ADGRV1: variants seen among roughly 807,000 people sequenced by gnomAD.
ADGRV1 encodes the protein adhesion G protein-coupled receptor V1.
Under a neutral mutation model 596.2 loss-of-function variants are expected in ADGRV1, and 359 were observed. The ratio of observed to expected loss-of-function variants is 0.60; its 90% CI spans 0.55 to 0.66. The LOEUF is 0.66. ADGRV1 is among the 30% of genes least tolerant of loss of function. The pLI, the probability that ADGRV1 is intolerant of heterozygous loss-of-function variation, is 0.00. For missense variants in ADGRV1, 7,274 were observed against 7,575.6 expected (o/e 0.96, Z 1.48); for synonymous variants, 2,681 against 2,679.2 (o/e 1.00, Z -0.02).
chr5:91,059,849 A>T (rs1178673128), intron 85 of ADGRV1, among the ~76,000 whole-genome samples: 1 of 152,164 alleles, frequency 6.6e-6, no homozygotes, highest in Non-Finnish European at 1.5e-5. Context: ...TTAAGTTTCC[A>T]GTTTTAACTG....
intron 83 of ADGRV1, among the ~76,000 whole-genome samples, chr5:90,959,743 G>GA (rs937284358): frequency 6.6e-6 from 1 of 151,956 alleles, no homozygotes; most frequent in African/African-American, 2.4e-5. Context: ...CATTATTTTG[G>GA]AAAAAAATCA....
chr5:90,583,095 G>A (rs1477031357), intron 1 of ADGRV1, among the ~76,000 whole-genome samples: 2 of 152,038 alleles, frequency 1.3e-5, no homozygotes, highest in African/African-American at 4.8e-5. Flanking sequence ...TCATTGTGTG[G>A]CAGTTTTATA....
Position 90,895,742 on chromosome 5 carries a change from T to C in ADGRV1, c.17856+31885T>C, listed in dbSNP as rs1455769064. 2.6e-5 allele frequency among the ~76,000 whole-genome samples: 4 copies of C among 152,338 alleles called. No individual in the cohort carries two copies. The East Asian group carries it at 7.7e-4, about 29-fold the overall frequency. ...GAAATAGCTTCTAATTTGCTGGTAA[T>C]AGTTTTAACTTGCTGTCCTCCAGTT... On this transcript the variant is annotated intron_variant, in intron 83 of 89. Coordinates refer to ENST00000405460, the MANE Select transcript of ADGRV1 (RefSeq NM_032119.4).
At chr5:90,956,260 T>G (rs1818351) in intron 83 of ADGRV1, among the ~76,000 whole-genome samples, 3 of 151,880 alleles carry the variant, frequency 2.0e-5, no homozygotes, top group South Asian at 4.1e-4. Flanking sequence ...GTATTCAGAC[T>G]ATGTATCAGT....
chr5:90,984,977 C>T (rs1780366413), intron 84 of ADGRV1, among the ~76,000 whole-genome samples: 1 of 152,126 alleles, frequency 6.6e-6, no homozygotes, highest in Non-Finnish European at 1.5e-5. Context: ...ATTTCATTAT[C>T]ACCTGGAAGT....
intron 45 of ADGRV1, among the ~76,000 whole-genome samples, chr5:90,721,833 T>A (rs1488681159): frequency 1.3e-5 from 2 of 151,768 alleles, no homozygotes; most frequent in Non-Finnish European, 2.9e-5. Context: ...AAGGACTGGG[T>A]TGGAAGAACA....
chr5:90,829,108 G>T lies in ADGRV1; in HGVS notation c.16533G>T (p.Lys5511Asn). 1 of 1,612,254 alleles carries T rather than the reference G, an allele frequency of 6.2e-7. No individual in the cohort carries two copies. ...SVGSRLAVAH[K>N]KATLISLQVA... ...GTTCTCGGCTGGCAGTGGCTCACAA[G>T]AAGGCCACTTTAATCAGTCTGCAGG... The change falls in exon 77 of 90, where the codon AAG becomes AAT. Residue 5511 changes from lysine to asparagine, a missense_variant. By Grantham distance (94) the Lys-to-Asn change is moderately conservative (BLOSUM62 0). This residue lies in a region of ADGRV1 where 1,874 missense variants were observed against 1,970.2 expected (regional missense o/e 0.95). Coordinates refer to ENST00000405460, the MANE Select transcript of ADGRV1 (RefSeq NM_032119.4).
intron 21 of ADGRV1, among the ~76,000 whole-genome samples, chr5:90,662,840 C>T (rs1431197864): frequency 4.6e-5 from 7 of 151,964 alleles, no homozygotes; most frequent in Admixed American, 4.6e-4. Flanking sequence ...CAGTTCCCAC[C>T]TATGAGTGAG....
At chr5:91,104,484 G>A (rs1791672528) in intron 87 of ADGRV1, among the ~76,000 whole-genome samples, 1 of 152,068 alleles carries the variant, frequency 6.6e-6, no homozygotes, top group African/African-American at 2.4e-5. Context: ...ATAAAATATT[G>A]TTAACTATAG....
chr5:90,825,392 A>G (rs1223128272), intron 76 of ADGRV1, among the ~76,000 whole-genome samples: 5 of 152,220 alleles, frequency 3.3e-5, no homozygotes, highest in Non-Finnish European at 7.3e-5. Context: ...GCAGTGTTAC[A>G]ACTTATGCAT....
intron 21 of ADGRV1, among the ~76,000 whole-genome samples, chr5:90,663,323 A>G (rs905519781): frequency 1.3e-5 from 2 of 150,326 alleles, no homozygotes. Context: ...GTGAGATGGT[A>G]TCTTATTGTG....
chr5:90,672,811 T>G, intron 22 of ADGRV1, 89 bp downstream of exon 22: 1 of 935,054 alleles, frequency 1.1e-6, no homozygotes, highest in Non-Finnish European at 1.6e-6. Flanking sequence ...AGCTTTTGAT[T>G]GAAGTGTCGC....
chr5:91,093,113 T>C (rs1393430153), intron 86 of ADGRV1, among the ~76,000 whole-genome samples: 1 of 152,230 alleles, frequency 6.6e-6, no homozygotes, highest in Non-Finnish European at 1.5e-5. Context: ...CATGAATTAT[T>C]AAAATTTCTA....
chr5:90,759,088 A>G (rs1484384070), intron 57 of ADGRV1, among the ~76,000 whole-genome samples: 4 of 152,330 alleles, frequency 2.6e-5, no homozygotes, highest in African/African-American at 9.6e-5. Flanking sequence ...TAATCTGTAA[A>G]TAATACTCTT....
chr5:90,613,377 C>G (rs1504986), intron 1 of ADGRV1, among the ~76,000 whole-genome samples: 3,234 of 152,222 alleles, frequency 0.021, 102 homozygotes, highest in African/African-American at 0.067. Flanking sequence ...AAGACCTTCA[C>G]CTGGCTTTGG....
rs1452988546 is a variant in ADGRV1 at position 90,805,426 on chromosome 5, T to A, written c.14804T>A (p.Phe4935Tyr). 6.3e-7 allele frequency: 1 copy of A among 1,594,330 alleles called. No homozygotes were observed. The highest frequency in any genetic ancestry group is 1.7e-5 in the Admixed American group (1 of 59,656). The part of the protein sequence containing the change: ...GYAPGLEIPE[F>Y]IVVGNMTPTL... The stretch of plus-strand genomic sequence containing the variant: ...GCTCCTGGGTTAGAAATTCCTGAAT[T>A]CATTGTTGTTGGCAACATGACCCCA... The change falls in exon 72 of 90, where the codon TTC becomes TAC. Residue 4935 changes from phenylalanine (F) to tyrosine (Y), a missense_variant. By Grantham distance (22) the Phe-to-Tyr change is conservative (BLOSUM62 3). This residue lies in a region of ADGRV1 where 1,874 missense variants were observed against 1,970.2 expected (regional missense o/e 0.95). Coordinates refer to ENST00000405460, the MANE Select transcript of ADGRV1 (RefSeq NM_032119.4).
At chr5:90,590,063 A>G (rs1382406078) in intron 1 of ADGRV1, among the ~76,000 whole-genome samples, 1 of 152,188 alleles carries the variant, frequency 6.6e-6, no homozygotes, top group Non-Finnish European at 1.5e-5. Context: ...ATATTTTATG[A>G]TATGACTTCC....
At position 90,757,152 on chromosome 5, in the gene ADGRV1, A is replaced by G. The variant is rs775199804; in HGVS notation, c.11931A>G (p.Ala3977=). The part of the protein sequence containing the change: ...FKPSHGILEF[A]DKQVTAMIEI... ...CATCTCATGGGATTCTTGAATTTGC[A>G]GATAAACAGGTATGCCAGTCATTAA... The change falls in exon 57 of 90, where the codon GCA becomes GCG. Residue 3977 remains alanine, a synonymous_variant. Transcript: ENST00000405460. 1 of 1,613,714 alleles carries G rather than the reference A, an allele frequency of 6.2e-7. No homozygotes were observed. Among genetic ancestry groups the G allele is most frequent in the Non-Finnish European group, 8.5e-7 (1 of 1,179,652 alleles).
At chr5:90,667,687 C>A (rs1771677109) in intron 21 of ADGRV1, among the ~76,000 whole-genome samples, 1 of 152,020 alleles carries the variant, frequency 6.6e-6, no homozygotes, top group South Asian at 2.1e-4. Context: ...GAGAGGCGCT[C>A]TGCTTTTTAG....
Sources: gnomAD v4.1 joint callset for allele counts (sites outside exome capture counted in the v4.1 genomes callset) on GRCh38, gnomAD v4.1.1 for gene constraint, gnomAD v4.1.1 regional missense constraint, MANE v1.5 for transcripts, NCBI Gene and HGNC (gene_info 2026-07-23, HGNC 2026-07-21) for gene names.